The following ARHGAP15 variants were observed in gnomAD, a reference collection of about 807,000 sequenced individuals.
The protein encoded by ARHGAP15 is Rho GTPase activating protein 15.
Under a neutral mutation model 63.7 loss-of-function variants are expected in ARHGAP15, and 51 were observed. The observed-to-expected ratio is 0.80, with a 90% CI of 0.64 to 1.01. ARHGAP15 has a LOEUF of 1.01. Ranked by LOEUF, ARHGAP15 falls within the 50% of genes least tolerant of loss-of-function variation. ARHGAP15 has a pLI of 0.00. For missense variants in ARHGAP15, 560 were observed against 564.6 expected (o/e 0.99, Z 0.08); for synonymous variants, 191 against 193.8 (o/e 0.99, Z 0.12).
intron 12 of ARHGAP15, among the ~76,000 whole-genome samples, chr2:143,652,315 A>G (rs533505751): frequency 3.3e-5 from 5 of 152,174 alleles, no homozygotes; most frequent in Middle Eastern, 3.4e-3. Flanking sequence ...GCCATAGGCA[A>G]TATGATATGA....
intron 6 of ARHGAP15, among the ~76,000 whole-genome samples, chr2:143,355,714 G>A (rs912075444): frequency 2.0e-5 from 3 of 152,012 alleles, no homozygotes; most frequent in African/African-American, 7.3e-5. Context: ...TATGGAATGA[G>A]TTATCCATAG....
At chr2:143,583,728 A>G (rs1341524701) in intron 11 of ARHGAP15, among the ~76,000 whole-genome samples, 2 of 152,214 alleles carry the variant, frequency 1.3e-5, no homozygotes, top group Non-Finnish European at 2.9e-5. Flanking sequence ...CCTCTTGTGA[A>G]CTGACAAACA....
intron 1 of ARHGAP15, among the ~76,000 whole-genome samples, chr2:143,139,714 T>C (rs1187602599): frequency 6.6e-6 from 1 of 152,136 alleles, no homozygotes; most frequent in Non-Finnish European, 1.5e-5. Context: ...ACAGAAGGGC[T>C]AGGACACATT....
At chr2:143,156,314 G>T (rs1023897828) in intron 2 of ARHGAP15, among the ~76,000 whole-genome samples, 8 of 151,834 alleles carry the variant, frequency 5.3e-5, no homozygotes, top group Non-Finnish European at 1.2e-4. Context: ...GTCTCCTCTG[G>T]TTAATTTTCT....
Position 143,243,436 on chromosome 2 carries a change from G to GT in ARHGAP15, c.385-7074dup, listed in dbSNP as rs552186289. ...GTAACTCTTAAATAATTCTATTTAAGTATTTTAAAAATCAGTCATTTCTAT... is the reference window on the plus strand; with the variant it reads ...GTAACTCTTAAATAATTCTATTTAAGTTATTTTAAAAATCAGTCATTTCTAT... On this transcript the variant is annotated intron_variant, in intron 5 of 13. Transcript: ENST00000295095. Among the ~76,000 whole-genome samples the GT allele has an allele frequency of 3.9e-5, 6 of 152,140 alleles. No individual in the cohort carries two copies. The South Asian group carries it at 1.2e-3, about 32-fold the overall frequency.
intron 8 of ARHGAP15, among the ~76,000 whole-genome samples, chr2:143,452,510 T>C (rs1690450382): frequency 6.6e-6 from 1 of 151,932 alleles, no homozygotes; most frequent in East Asian, 1.9e-4. Flanking sequence ...TGAATGTGCT[T>C]CCCAGGATTT....
chr2:143,262,996 C>T (rs1164070109), intron 6 of ARHGAP15, among the ~76,000 whole-genome samples: 2 of 152,238 alleles, frequency 1.3e-5, no homozygotes, highest in Admixed American at 6.5e-5. Flanking sequence ...ACTGGAGACA[C>T]CATGTCATGT....
At chr2:143,393,182 G>A (rs1277403903) in intron 6 of ARHGAP15, among the ~76,000 whole-genome samples, 1 of 152,078 alleles carries the variant, frequency 6.6e-6, no homozygotes, top group African/African-American at 2.4e-5. Flanking sequence ...CCCAGCCAAA[G>A]CTAGCTTCCT....
Position 143,261,613 on chromosome 2 carries a change from G to T in ARHGAP15, c.474+11013G>T, listed in dbSNP as rs371556252. 1.2e-4 allele frequency among the ~76,000 whole-genome samples: 18 copies of T among 151,954 alleles called. No homozygotes were observed. The South Asian group carries it at 2.5e-3, about 21-fold the overall frequency. On this transcript the variant is annotated intron_variant, in intron 6 of 13. Coordinates refer to ENST00000295095, the MANE Select transcript of ARHGAP15 (RefSeq NM_018460.4). Reference sequence around the variant, plus strand: ...ATTACCAGCCTTGGCCTCCCATAGTGCTGGGATTACAGGCCTAAGCCACGG... The same window carrying T: ...ATTACCAGCCTTGGCCTCCCATAGTTCTGGGATTACAGGCCTAAGCCACGG...
chr2:143,301,203 C>T (rs1332503172), intron 6 of ARHGAP15, among the ~76,000 whole-genome samples: 1 of 151,796 alleles, frequency 6.6e-6, no homozygotes, highest in African/African-American at 2.4e-5. Flanking sequence ...ATTTGCATTC[C>T]TTTTCACTAT....
At chr2:143,350,812 C>G (rs1685529572) in intron 6 of ARHGAP15, 1 of 119,928 alleles carries the variant, frequency 8.3e-6, no homozygotes, top group Non-Finnish European at 1.6e-5. Context: ...GCACTCCAGT[C>G]TCGATGACAG....
intron 6 of ARHGAP15, among the ~76,000 whole-genome samples, chr2:143,369,499 TC>T (rs1448352357): frequency 2.0e-4 from 30 of 152,266 alleles, no homozygotes; most frequent in African/African-American, 6.5e-4. Flanking sequence ...TTTTAATTCC[TC>T]AGTTTATTAA....
chr2:143,514,285 G>A (rs1693712056), intron 9 of ARHGAP15, among the ~76,000 whole-genome samples: 3 of 152,154 alleles, frequency 2.0e-5, no homozygotes, highest in Non-Finnish European at 2.9e-5. Flanking sequence ...CATGGTAGGT[G>A]TTCACTAAAT....
chr2:143,252,910 A>G (rs929464427), intron 6 of ARHGAP15, among the ~76,000 whole-genome samples: 2 of 152,074 alleles, frequency 1.3e-5, no homozygotes, highest in Non-Finnish European at 2.9e-5. Flanking sequence ...AATAAACATG[A>G]TTATGTCTTA....
intron 8 of ARHGAP15, among the ~76,000 whole-genome samples, chr2:143,483,390 T>A (rs1398615631): frequency 6.6e-6 from 1 of 152,174 alleles, no homozygotes; most frequent in African/African-American, 2.4e-5. Flanking sequence ...AGAAAAAAAA[T>A]ATACCGTGCT....
intron 1 of ARHGAP15, among the ~76,000 whole-genome samples, chr2:143,147,728 T>C (rs1689646403): frequency 6.6e-6 from 1 of 152,040 alleles, no homozygotes; most frequent in South Asian, 2.1e-4. Context: ...ATTTGATTGT[T>C]GACCAGAAGC....
At chr2:143,543,962 T>C (rs954246790) in intron 10 of ARHGAP15, among the ~76,000 whole-genome samples, 16 of 152,296 alleles carry the variant, frequency 1.1e-4, no homozygotes, top group African/African-American at 3.8e-4. Context: ...TTCTACTTTA[T>C]ATTGTGATCA....
chr2:143,716,930 G>T (rs1470124959), intron 13 of ARHGAP15, among the ~76,000 whole-genome samples: 5 of 152,192 alleles, frequency 3.3e-5, no homozygotes, highest in African/African-American at 1.2e-4. Flanking sequence ...TTATAGAAGG[G>T]GTTTTCTTAG....
At chr2:143,324,718 G>A (rs180748298) in intron 6 of ARHGAP15, among the ~76,000 whole-genome samples, 23 of 152,108 alleles carry the variant, frequency 1.5e-4, no homozygotes, top group Non-Finnish European at 2.5e-4. Flanking sequence ...AAAGTAACAC[G>A]GCACTTGATT....
Sources: gnomAD v4.1 joint callset for allele counts (sites outside exome capture counted in the v4.1 genomes callset) on GRCh38, gnomAD v4.1.1 for gene constraint, MANE v1.5 for transcripts, NCBI Gene and HGNC (gene_info 2026-07-23, HGNC 2026-07-21) for gene names.